The following TECPR2 variants were observed in gnomAD, a reference collection of about 807,000 sequenced individuals.
TECPR2 encodes tectonin beta-propeller repeat-containing protein 2.
A neutral mutation model predicts 138.1 loss-of-function variants in TECPR2; 65 were observed. The observed-to-expected ratio is 0.47, with a 90% CI of 0.39 to 0.58. TECPR2 has a LOEUF of 0.58. Ranked by LOEUF, TECPR2 falls within the 20% of genes least tolerant of loss-of-function variation. The pLI, the probability that TECPR2 is intolerant of heterozygous loss-of-function variation, is 0.00. For synonymous variants in TECPR2, 746 were observed against 749.8 expected (o/e 0.99, Z 0.08); for missense variants, 1,553 against 1,824.5 (o/e 0.85, Z 2.71).
intron 7 of TECPR2, among the ~76,000 whole-genome samples, chr14:102,430,074 C>G (rs1411336327): frequency 1.3e-5 from 2 of 152,108 alleles, no homozygotes; most frequent in African/African-American, 4.8e-5. Flanking sequence ...TCAAACGATT[C>G]TCCTGCCTTA....
chr14:102,434,214 A>T, intron 8 of TECPR2, 21 bp from the exon 9 acceptor site: 4 of 1,345,564 alleles, frequency 3.0e-6, no homozygotes, highest in Non-Finnish European at 3.8e-6. Context: ...CCTTATTTTG[A>T]ATGTTCTTAT....
At position 102,474,727 on chromosome 14, in the gene TECPR2, G is replaced by C. The variant is rs28754447; in HGVS notation, c.3789+9438G>C. Among the ~76,000 whole-genome samples the C allele has an allele frequency of 4.6e-3, 695 of 152,180 alleles. 7 individuals carry two copies. The highest frequency in any genetic ancestry group is 0.016 in the African/African-American group (658 of 41,508). The stretch of plus-strand genomic sequence containing the variant: ...TTTTCATGATCAGGGAGAAAAATAG[G>C]TATATTTTACAAGGGACCCATCTTT... On this transcript the variant is annotated intron_variant, in intron 17 of 19. Coordinates refer to ENST00000359520, the MANE Select transcript of TECPR2 (RefSeq NM_014844.5).
intron 17 of TECPR2, among the ~76,000 whole-genome samples, chr14:102,484,703 G>A (rs1464625383): frequency 1.3e-5 from 2 of 152,128 alleles, no homozygotes; most frequent in African/African-American, 4.8e-5. Flanking sequence ...TTGTCACCCA[G>A]GCTGGAGTGC....
rs989726207 is a variant in TECPR2 at position 102,436,933 on chromosome 14, G to A, written c.2395-1089G>A. ...GGTGGGGTGGGGTATTGGAATTCTA[G>A]GCCAGAAATTTAGGAAAGCCCTCAC... On this transcript the variant is annotated intron_variant, in intron 9 of 19. Transcript: ENST00000359520. 16 of 959,796 alleles carry A rather than the reference G, an allele frequency of 1.7e-5. No individual in the cohort carries two copies. The African/African-American group carries it at 2.6e-4, about 16-fold the overall frequency. The allele number at this position is 959,796 out of a possible 1,614,324, so 59.5% of individuals were successfully genotyped here. A position where few individuals can be genotyped will look rare whatever the true frequency, so the allele number is the denominator to read the frequency against.
At chr14:102,433,492 A>ATTTT (rs1360116176) in intron 8 of TECPR2, among the ~76,000 whole-genome samples, 2 of 141,678 alleles carry the variant, frequency 1.4e-5, no homozygotes, top group East Asian at 4.0e-4. Context: ...TTCATTCTTT[A>ATTTT]TTTTTATTTA....
Position 102,434,296 on chromosome 14 carries a change from T to G in TECPR2, c.1479T>G (p.Pro493=). The part of the protein sequence containing the change: ...SLESTPCSEF[P]GDSPQSLNTD... Reference sequence around the variant, plus strand: ...AATCGACACCCTGCTCCGAATTTCCTGGGGACAGTCCCCAGTCCTTGAACA... The same window carrying G: ...AATCGACACCCTGCTCCGAATTTCCGGGGGACAGTCCCCAGTCCTTGAACA... The change falls in exon 9 of 20, where the codon CCT becomes CCG. Residue 493 remains proline, a synonymous_variant. Transcript: ENST00000359520. The G allele has an allele frequency of 7.1e-7, 1 of 1,405,332 alleles. No individual in the cohort carries two copies. Among genetic ancestry groups the G allele is most frequent in the Non-Finnish European group, 9.3e-7 (1 of 1,074,012 alleles). 87.1% of individuals were successfully genotyped at this position (1,405,332 alleles called of 1,614,324 possible).
At position 102,452,540 on chromosome 14, in the gene TECPR2, G is replaced by A; in HGVS notation, c.3553G>A (p.Asp1185Asn). 6.2e-7 allele frequency: 1 copy of A among 1,611,458 alleles called. No individual in the cohort carries two copies. Among genetic ancestry groups the A allele is most frequent in the Non-Finnish European group, 8.5e-7 (1 of 1,179,336 alleles). The change falls in exon 16 of 20, where the codon GAC (aspartate) becomes AAC (asparagine). Residue 1185 changes from aspartate to asparagine, a missense_variant. Coordinates refer to ENST00000359520, the MANE Select transcript of TECPR2 (RefSeq NM_014844.5). ...CTGCCAGGATGCGCTGTGGGCGCTG[G>A]ACAGCCTCGGCCAGGTGTTCATCAG... ...AACQDALWAL[D>N]SLGQVFIRTL...
At chr14:102,422,226 T>C (rs1367200351) in intron 5 of TECPR2, among the ~76,000 whole-genome samples, 1 of 152,180 alleles carries the variant, frequency 6.6e-6, no homozygotes, top group African/African-American at 2.4e-5. Context: ...TAAAAAATAA[T>C]AATTGAAATA....
At chr14:102,407,151 C>T (rs1271384993) in intron 2 of TECPR2, among the ~76,000 whole-genome samples, 187 bp from the exon 3 acceptor site, 5 of 152,206 alleles carry the variant, frequency 3.3e-5, no homozygotes, top group Admixed American at 6.5e-5. Context: ...TGATCCACCA[C>T]GCCCAGCCCT....
intron 16 of TECPR2, among the ~76,000 whole-genome samples, chr14:102,462,922 A>C (rs1469055382): frequency 6.6e-6 from 1 of 152,250 alleles, no homozygotes; most frequent in Non-Finnish European, 1.5e-5. Flanking sequence ...AAAAGAAGAT[A>C]TACAGATGTC....
chr14:102,443,662 G>A lies in TECPR2; in HGVS notation c.2768G>A (p.Arg923His), dbSNP rs1479115503. ...TTCCTGGCAGGTCTGAGCGTGGATC[G>A]CCCTTGTGCCAGAGCCGTAAAGGTG... is the stretch of plus-strand genomic sequence containing the variant. The part of the protein sequence containing the change: ...LYLQTGLSVD[R>H]PCARAVKVDC... The change falls in exon 12 of 20, where the codon CGC (arginine) becomes CAC (histidine). Residue 923 changes from arginine to histidine, a missense_variant. Coordinates refer to ENST00000359520, the MANE Select transcript of TECPR2 (RefSeq NM_014844.5). The surrounding 1 kb of genome is among the most constrained non-coding windows in gnomAD (Gnocchi z 4.9). 4.4e-6 allele frequency: 7 copies of A among 1,590,132 alleles called. No individual in the cohort carries two copies. Among genetic ancestry groups the A allele is most frequent in the Non-Finnish European group, 5.2e-6 (6 of 1,163,112 alleles).
At chr14:102,411,014 C>CCCCTG in intron 4 of TECPR2, among the ~76,000 whole-genome samples, 3 of 152,306 alleles carry the variant, frequency 2.0e-5, no homozygotes, top group African/African-American at 7.2e-5. Context: ...CATTTAGTTT[C>CCCCTG]TCAATTCATC....
Position 102,434,777 on chromosome 14 carries a change from C to G in TECPR2, c.1960C>G (p.Leu654Val), listed in dbSNP as rs1889611958. ...LLNSLTVPSSLSWAPSAEQWL... is the reference protein window; with the variant it reads ...LLNSLTVPSSVSWAPSAEQWL... ...GAACTCACTCACTGTGCCTTCCAGC[C>G]TCAGCTGGGCCCCAAGTGCTGAACA... The change falls in exon 9 of 20, where the codon CTC becomes GTC. Residue 654 changes from leucine to valine, a missense_variant. Transcript: ENST00000359520. The G allele has an allele frequency of 6.2e-7, 1 of 1,613,398 alleles. No homozygotes were observed. Among genetic ancestry groups the G allele is most frequent in the Non-Finnish European group, 8.5e-7 (1 of 1,180,040 alleles).
intron 5 of TECPR2, among the ~76,000 whole-genome samples, chr14:102,422,570 A>C (rs1247179603): frequency 6.6e-6 from 1 of 152,254 alleles, no homozygotes; most frequent in Non-Finnish European, 1.5e-5. Context: ...AAAAGAGTAC[A>C]ATTAGCATCA....
At position 102,376,785 on chromosome 14, in the gene TECPR2, G is replaced by A; in HGVS notation, c.64G>A (p.Ala22Thr). Residue 22 changes from alanine to threonine, a missense_variant, in exon 2 of 20, where the codon GCC (alanine) becomes ACC (threonine). By Grantham distance (58) the Ala-to-Thr change is moderately conservative. Transcript: ENST00000359520. The part of the protein sequence containing the change: ...EFCPLYYLLN[A>T]IPTKIQKGFR... ...CTGCCCGTTGTACTATCTCCTCAAT[G>A]CCATTCCGACAAAGATCCAGAAGGG... 2 of 1,614,164 alleles carry A rather than the reference G, an allele frequency of 1.2e-6. No homozygotes were observed. Among genetic ancestry groups the A allele is most frequent in the Non-Finnish European group, 1.7e-6 (2 of 1,180,042 alleles).
intron 17 of TECPR2, among the ~76,000 whole-genome samples, chr14:102,478,333 G>A (rs1330066804): frequency 5.9e-5 from 9 of 152,010 alleles, no homozygotes; most frequent in Admixed American, 2.6e-4. Flanking sequence ...ACAGATGTGA[G>A]CCACCATGTC....
Position 102,497,556 on chromosome 14 carries a change from C to T in TECPR2, c.3932-14C>T. The T allele has an allele frequency of 6.4e-7, 1 of 1,567,302 alleles. No individual in the cohort carries two copies. The highest frequency in any genetic ancestry group is 8.7e-7 in the Non-Finnish European group (1 of 1,154,068). ...CCATGGCAGGGGCTCAGGAGGGACC[C>T]TGTCTGCCCACAGGGTTGCAGGCCT... On this transcript the variant is annotated splice_polypyrimidine_tract_variant and intron_variant, in intron 18 of 19. Coordinates refer to ENST00000359520, the MANE Select transcript of TECPR2 (RefSeq NM_014844.5).
chr14:102,460,497 C>T (rs901464800), intron 16 of TECPR2, among the ~76,000 whole-genome samples: 1 of 150,428 alleles, frequency 6.6e-6, no homozygotes, highest in East Asian at 2.0e-4. Flanking sequence ...GTCTGTAATC[C>T]CAGCTACTTG....
chr14:102,502,407 T>C lies in TECPR2; in HGVS notation c.*4150T>C, dbSNP rs1891465496. 6.5e-6 allele frequency: 1 copy of C among 152,680 alleles called. No homozygotes were observed. The highest frequency in any genetic ancestry group is 6.5e-5 in the Admixed American group (1 of 15,286). 9.5% of individuals were successfully genotyped at this position (152,680 alleles called of 1,614,324 possible). ...GTTGCCTGGAGTATATGCCTTTTTGTATCCTTTGAATTTCCAGCCATGTAA... is the reference window on the plus strand; with the variant it reads ...GTTGCCTGGAGTATATGCCTTTTTGCATCCTTTGAATTTCCAGCCATGTAA... On this transcript the variant is annotated 3_prime_UTR_variant, in exon 20 of 20. Transcript: ENST00000359520.
Sources: gnomAD v4.1 joint callset for allele counts (sites outside exome capture counted in the v4.1 genomes callset) on GRCh38, gnomAD v4.1.1 for gene constraint, Gnocchi (gnomAD v3.1) non-coding constraint, MANE v1.5 for transcripts, NCBI Gene and HGNC (gene_info 2026-07-23, HGNC 2026-07-21) for gene names.